The following GNAQ variants were observed in gnomAD, a reference collection of about 807,000 sequenced individuals.
GNAQ encodes the protein guanine nucleotide-binding protein G(q) subunit alpha.
Under a neutral mutation model 43.9 loss-of-function variants are expected in GNAQ, and 8 were observed. The ratio of observed to expected loss-of-function variants is 0.18; its 90% confidence interval spans 0.11 to 0.33. GNAQ has a LOEUF of 0.33. Among genes scored for constraint, GNAQ ranks in the 10% least tolerant of loss-of-function variants. The probability of loss-of-function intolerance (pLI) is 1.00; values close to 1 mark genes in which losing one functional copy is unlikely to be tolerated. For synonymous variants in GNAQ, 155 were observed against 170.7 expected (o/e 0.91, Z 0.71); for missense variants, 158 against 450.8 (o/e 0.35, Z 5.88).
Position 78,015,616 on chromosome 9 carries a change from T to C in GNAQ, c.136+15484A>G, listed in dbSNP as rs112627935. Among the ~76,000 whole-genome samples the C allele has an allele frequency of 6.0e-3, 911 of 152,146 alleles. 3 individuals carry two copies. The highest frequency in any genetic ancestry group is 0.021 in the African/African-American group (860 of 41,518). On this transcript the variant is annotated intron_variant, in intron 1 of 6. Transcript: ENST00000286548. ...ATTTTATGTACCCATAAAACAAAAA[T>C]TGACTATATATATTAGACTACAATA... is the stretch of plus-strand genomic sequence containing the variant.
intron 1 of GNAQ, among the ~76,000 whole-genome samples, chr9:78,011,523 G>C (rs1823772600): frequency 6.6e-6 from 1 of 152,164 alleles, no homozygotes; most frequent in African/African-American, 2.4e-5. Context: ...TCAAGAAAAT[G>C]TAACAAAATG....
intron 2 of GNAQ, among the ~76,000 whole-genome samples, chr9:77,899,941 T>C (rs1371723064): frequency 6.6e-6 from 1 of 152,188 alleles, no homozygotes; most frequent in African/African-American, 2.4e-5. Flanking sequence ...CAGGGTGGAA[T>C]TGCTACAGGA....
At chr9:77,774,316 T>C (rs1826273268) in intron 5 of GNAQ, among the ~76,000 whole-genome samples, 1 of 152,220 alleles carries the variant, frequency 6.6e-6, no homozygotes, top group African/African-American at 2.4e-5. Flanking sequence ...AGAAAATGGA[T>C]GTTAGAACTA....
chr9:77,933,876 A>T (rs1227939153), intron 1 of GNAQ, among the ~76,000 whole-genome samples: 2 of 152,190 alleles, frequency 1.3e-5, no homozygotes, highest in African/African-American at 4.8e-5. Flanking sequence ...ACACATAAAG[A>T]TAAATTGCAC....
intron 2 of GNAQ, among the ~76,000 whole-genome samples, chr9:77,885,895 T>TC (rs1828296877): frequency 6.6e-6 from 1 of 152,182 alleles, no homozygotes. Flanking sequence ...ATAAAAGCCT[T>TC]CCCCTTAAGG....
chr9:77,937,435 C>G (rs1482175473), intron 1 of GNAQ, among the ~76,000 whole-genome samples: 2 of 151,826 alleles, frequency 1.3e-5, no homozygotes, highest in African/African-American at 4.8e-5. Context: ...AAGACTACAT[C>G]TCAAAATAAA....
At chr9:77,978,835 G>A (rs992764533) in intron 1 of GNAQ, among the ~76,000 whole-genome samples, 1 of 148,978 alleles carries the variant, frequency 6.7e-6, no homozygotes, top group African/African-American at 2.4e-5. Flanking sequence ...GAGGCGAGTG[G>A]ATCAATTGAG....
At chr9:78,016,243 T>A (rs1242250952) in intron 1 of GNAQ, among the ~76,000 whole-genome samples, 1 of 152,202 alleles carries the variant, frequency 6.6e-6, no homozygotes. Context: ...CTGGACTTCA[T>A]CACCATTTAA....
intron 2 of GNAQ, among the ~76,000 whole-genome samples, chr9:77,826,400 G>A (rs1000393301): frequency 2.0e-5 from 3 of 152,130 alleles, no homozygotes; most frequent in Non-Finnish European, 4.4e-5. Context: ...CTACCAGTGG[G>A]CATTTTCTCA....
chr9:77,933,037 T>C (rs186119991), intron 1 of GNAQ, among the ~76,000 whole-genome samples: 160 of 152,234 alleles, frequency 1.1e-3, no homozygotes, highest in Non-Finnish European at 2.0e-3. Context: ...GGAAAGAGTT[T>C]GCAAAGAGAG....
intron 1 of GNAQ, among the ~76,000 whole-genome samples, chr9:78,005,829 G>C (rs574616048): frequency 6.6e-6 from 1 of 152,142 alleles, no homozygotes; most frequent in African/African-American, 2.4e-5. Flanking sequence ...AGACTCGCCC[G>C]TCTCAGCATA....
chr9:77,837,832 T>C (rs1306303868), intron 2 of GNAQ, among the ~76,000 whole-genome samples: 3 of 148,420 alleles, frequency 2.0e-5, no homozygotes, highest in Non-Finnish European at 4.4e-5. Flanking sequence ...CCCAGTGAGA[T>C]ACTGAGTGAT....
intron 1 of GNAQ, among the ~76,000 whole-genome samples, chr9:78,018,813 T>C (rs1005905625): frequency 1.3e-5 from 2 of 152,208 alleles, no homozygotes; most frequent in Admixed American, 1.3e-4. Context: ...CATTATAGTA[T>C]AAAACATAAA....
chr9:77,944,931 T>C (rs1259776039), intron 1 of GNAQ, among the ~76,000 whole-genome samples: 5 of 152,332 alleles, frequency 3.3e-5, no homozygotes, highest in Admixed American at 3.3e-4. Context: ...ACTCTGCTCA[T>C]GTGGGCTGTC....
In GNAQ at chr9:77,996,615, T is replaced by C. The variant is rs957239770; in HGVS notation, c.136+34485A>G. On this transcript the variant is annotated intron_variant, in intron 1 of 6. Transcript: ENST00000286548. ...ATCATTTGAACCCGGGAGGTGGAGC[T>C]TGCAGTGAGCTGAGATCGCGCCACT... Among the ~76,000 whole-genome samples the C allele has an allele frequency of 6.1e-5, 9 of 147,000 alleles. No individual in the cohort carries two copies. The East Asian group carries it at 1.8e-3, about 29-fold the overall frequency.
chr9:77,782,103 A>C (rs1291278041), intron 5 of GNAQ, among the ~76,000 whole-genome samples: 3 of 152,112 alleles, frequency 2.0e-5, no homozygotes, highest in Non-Finnish European at 4.4e-5. Context: ...AAACTAACTT[A>C]AAATCTCCTG....
At chr9:77,906,243 C>T (rs927026496) in intron 2 of GNAQ, among the ~76,000 whole-genome samples, 1 of 152,120 alleles carries the variant, frequency 6.6e-6, no homozygotes, top group Non-Finnish European at 1.5e-5. Context: ...GGAAATTTTA[C>T]AGCCAAACGT....
At chr9:77,994,341 C>T (rs566725944) in intron 1 of GNAQ, among the ~76,000 whole-genome samples, 4 of 152,164 alleles carry the variant, frequency 2.6e-5, no homozygotes, top group African/African-American at 7.2e-5. Context: ...CATCTAGCCA[C>T]GTGTATTTTA....
chr9:77,765,018 G>A (rs1010008581), intron 5 of GNAQ, among the ~76,000 whole-genome samples: 4 of 152,162 alleles, frequency 2.6e-5, no homozygotes, highest in African/African-American at 4.8e-5. Context: ...AAATCCTGTC[G>A]GGATAACCTG....
Sources: gnomAD v4.1 joint callset for allele counts (sites outside exome capture counted in the v4.1 genomes callset) on GRCh38, gnomAD v4.1.1 for gene constraint, MANE v1.5 for transcripts, NCBI Gene and HGNC (gene_info 2026-07-23, HGNC 2026-07-21) for gene names.